NCAPH: variants seen among roughly 807,000 people sequenced by gnomAD.
NCAPH encodes the protein non-SMC condensin I complex subunit H.
A neutral mutation model predicts 85.5 loss-of-function variants in NCAPH; 38 were observed. That is an observed-to-expected ratio of 0.44 (90% CI 0.34 to 0.58). The LOEUF is 0.58. NCAPH is among the 20% of genes least tolerant of loss of function. The pLI is 0.01. For synonymous variants in NCAPH, 301 were observed against 335.1 expected, an observed-to-expected ratio of 0.90 and a Z score of 1.11; for missense variants, 789 against 916.6, an observed-to-expected ratio of 0.86 and a Z score of 1.80.
At position 96,373,531 on chromosome 2, in the gene NCAPH, A is replaced by C. The variant is rs2064800500; in HGVS notation, c.*180A>C. On this transcript the variant is annotated 3_prime_UTR_variant, in exon 18 of 18. Transcript: ENST00000240423. The stretch of plus-strand genomic sequence containing the variant: ...TCATAGTCTGGGTGCCAGCGCCCTG[A>C]AGCTCCGTGCTCAACTGATTAAACT... 4 of 606,282 alleles carry C rather than the reference A, an allele frequency of 6.6e-6. No homozygotes were observed. The highest frequency in any genetic ancestry group is 1.2e-5 in the Non-Finnish European group (4 of 340,792). The allele number at this position is 606,282 out of a possible 1,614,324, so 37.6% of individuals were successfully genotyped here. A position where few individuals can be genotyped will look rare whatever the true frequency, so the allele number is the denominator to read the frequency against.
At position 96,352,032 on chromosome 2, in the gene NCAPH, T is replaced by C. The variant is rs776124251; in HGVS notation, c.910+12T>C. On this transcript the variant is annotated intron_variant, in intron 7 of 17. Coordinates refer to ENST00000240423, the MANE Select transcript of NCAPH (RefSeq NM_015341.5). ...GACAGATTTAAAAGGTAAGTACAAG[T>C]GATGCCTTTCACCAGAGCATTTCAG... 1 of 1,599,118 alleles carries C rather than the reference T, an allele frequency of 6.3e-7. No homozygotes were observed. Among genetic ancestry groups the C allele is most frequent in the South Asian group, 1.1e-5 (1 of 88,572 alleles).
chr2:96,350,160 C>T (rs1016795086), intron 6 of NCAPH, among the ~76,000 whole-genome samples: 3 of 152,236 alleles, frequency 2.0e-5, no homozygotes, highest in African/African-American at 7.2e-5. Flanking sequence ...TGTGGTCCTT[C>T]CTTACTGTGG....
intron 1 of NCAPH, among the ~76,000 whole-genome samples, chr2:96,337,879 A>G (rs1452170688): frequency 6.6e-6 from 1 of 151,456 alleles, no homozygotes; most frequent in Non-Finnish European, 1.5e-5. Flanking sequence ...CCACTTCTCA[A>G]TACCACCTAT....
intron 6 of NCAPH, among the ~76,000 whole-genome samples, chr2:96,347,643 G>A (rs1422708346): frequency 1.3e-5 from 2 of 152,170 alleles, no homozygotes. Flanking sequence ...GGTGGGGTGG[G>A]AGGTGGCATC....
chr2:96,342,246 T>C, intron 3 of NCAPH, 106 bp downstream of exon 3: 2 of 1,075,884 alleles, frequency 1.9e-6, no homozygotes, highest in Non-Finnish European at 2.8e-6. Context: ...GATAATTCTC[T>C]GGTGAGTCAT....
chr2:96,358,724 T>A (rs1425062611), intron 9 of NCAPH, among the ~76,000 whole-genome samples: 2 of 152,186 alleles, frequency 1.3e-5, no homozygotes, highest in Non-Finnish European at 2.9e-5. Flanking sequence ...CGCCTTGGCC[T>A]CCCAAAGTGC....
chr2:96,364,556 C>T lies in NCAPH; in HGVS notation c.1663C>T (p.Pro555Ser). The T allele has an allele frequency of 1.2e-6, 2 of 1,613,420 alleles. No homozygotes were observed. The highest frequency in any genetic ancestry group is 1.7e-6 in the Non-Finnish European group (2 of 1,179,354). The change falls in exon 13 of 18, where the codon CCT becomes TCT. Residue 555 changes from proline to serine, a missense_variant. Coordinates refer to ENST00000240423, the MANE Select transcript of NCAPH (RefSeq NM_015341.5). ...AATTGAAGACTATGATTACAACAAC[C>T]CTAACGACACCTCCAACTTTTGCCC... The part of the protein sequence containing the change: ...EEIEDYDYNN[P>S]NDTSNFCPGL...
In NCAPH at chr2:96,374,304, T is replaced by C. The variant is rs2064809417; in HGVS notation, c.*953T>C. Among the ~76,000 whole-genome samples, 1 of 152,172 alleles carries C rather than the reference T, an allele frequency of 6.6e-6. No homozygotes were observed. Among genetic ancestry groups the C allele is most frequent in the African/African-American group, 2.4e-5 (1 of 41,438 alleles). ...TGGATAGGTCATACAGGCTCAGCAG[T>C]GGGTGGAGAGCAGTGCTCAGATTTG... On this transcript the variant is annotated 3_prime_UTR_variant, in exon 18 of 18. Coordinates refer to ENST00000240423, the MANE Select transcript of NCAPH (RefSeq NM_015341.5).
At chr2:96,353,104 C>T (rs555045200) in intron 7 of NCAPH, among the ~76,000 whole-genome samples, 4 of 152,274 alleles carry the variant, frequency 2.6e-5, no homozygotes, top group African/African-American at 7.2e-5. Context: ...TGGGTGTGGC[C>T]GACGCATCTG....
rs118172310 is a variant in NCAPH at position 96,375,166 on chromosome 2, C to T, written c.*1815C>T. 1.3e-3 allele frequency among the ~76,000 whole-genome samples: 196 copies of T among 152,122 alleles called. 5 individuals carry two copies. In the East Asian group the frequency reaches 0.031, roughly 24 times the overall value. ...GAGGCTGCAGTGAGCTGTGATCACA[C>T]TACTGCATTCCAGCCAGGACAACAG... On this transcript the variant is annotated 3_prime_UTR_variant, in exon 18 of 18. Transcript: ENST00000240423.
chr2:96,342,978 C>G, intron 4 of NCAPH, 130 bp downstream of exon 4: 1 of 1,177,902 alleles, frequency 8.5e-7, no homozygotes, highest in Non-Finnish European at 1.2e-6. Flanking sequence ...AGTTAATTTA[C>G]TTTCTTTTCC....
intron 12 of NCAPH, among the ~76,000 whole-genome samples, chr2:96,363,022 T>A (rs189388259): frequency 6.6e-6 from 1 of 152,334 alleles, no homozygotes; most frequent in African/African-American, 2.4e-5. Flanking sequence ...AGTTGATTGA[T>A]GTAGCAAACT....
chr2:96,362,677 TGTG>T (rs2064641652), intron 12 of NCAPH, among the ~76,000 whole-genome samples: 1 of 152,122 alleles, frequency 6.6e-6, no homozygotes, highest in Admixed American at 6.5e-5. Flanking sequence ...GGTATGCAGA[TGTG>T]GTAGAAATAG....
At chr2:96,373,239 A>G (rs2064796435) in intron 17 of NCAPH, 53 bp from the exon 18 acceptor site, 1 of 1,469,006 alleles carries the variant, frequency 6.8e-7, no homozygotes, top group East Asian at 2.3e-5. Context: ...GGAATTTATG[A>G]TTCTTTTATT....
intron 17 of NCAPH, among the ~76,000 whole-genome samples, chr2:96,371,797 G>T (rs902117484): frequency 1.3e-5 from 2 of 152,190 alleles, no homozygotes; most frequent in African/African-American, 4.8e-5. Context: ...GCCACCAAGA[G>T]AAATATTCTC....
At chr2:96,343,402 A>G (rs1235378011) in intron 5 of NCAPH, 98 bp downstream of exon 5, 2 of 1,395,864 alleles carry the variant, frequency 1.4e-6, no homozygotes, top group East Asian at 4.8e-5. Context: ...GAAATAAGTG[A>G]TCTCATTTTA....
intron 6 of NCAPH, among the ~76,000 whole-genome samples, chr2:96,348,682 G>A (rs984352020): frequency 6.6e-6 from 1 of 151,392 alleles, no homozygotes; most frequent in Non-Finnish European, 1.5e-5. Flanking sequence ...TTGAGACAGG[G>A]TCTCGCTCTG....
intron 1 of NCAPH, among the ~76,000 whole-genome samples, chr2:96,339,526 A>G (rs2064262435): frequency 6.7e-6 from 1 of 148,536 alleles, no homozygotes; most frequent in South Asian, 2.2e-4. Context: ...TGGGAGGCGG[A>G]GTTGCAATGA....
chr2:96,339,867 C>A (rs2064267417), intron 1 of NCAPH, among the ~76,000 whole-genome samples: 1 of 152,178 alleles, frequency 6.6e-6, no homozygotes, highest in African/African-American at 2.4e-5. Flanking sequence ...TTTTCTCCCA[C>A]CTCACTAGTT....
Sources: allele counts gnomAD v4.1 joint callset (sites outside exome capture counted in the v4.1 genomes callset), GRCh38; gene constraint gnomAD v4.1.1; transcripts MANE v1.5; gene names NCBI Gene and HGNC (gene_info 2026-07-23, HGNC 2026-07-21).